The following CNTLN variants were observed in gnomAD, a reference collection of about 807,000 sequenced individuals.
The protein encoded by CNTLN is centlein.
A neutral mutation model predicts 180.0 loss-of-function variants in CNTLN; 212 were observed. The observed-to-expected ratio is 1.18, with a 90% confidence interval of 1.05 to 1.32. The LOEUF is 1.32. CNTLN is among the 40% of genes most tolerant of loss of function. The pLI, the probability that CNTLN is intolerant of heterozygous loss-of-function variation, is 0.00. For missense variants in CNTLN, 2,095 were observed against 1,610.9 expected (o/e 1.30, Z -5.14); for synonymous variants, 722 against 563.1 (o/e 1.28, Z -3.99).
At chr9:17,362,073 T>C (rs1314190025) in intron 12 of CNTLN, among the ~76,000 whole-genome samples, 3 of 152,194 alleles carry the variant, frequency 2.0e-5, no homozygotes, top group African/African-American at 7.2e-5. Context: ...CTGATGTCTG[T>C]AAATATTTAT....
intron 3 of CNTLN, among the ~76,000 whole-genome samples, chr9:17,226,794 G>A (rs567417579): frequency 8.6e-5 from 13 of 151,864 alleles, no homozygotes; most frequent in Non-Finnish European, 1.9e-4. Flanking sequence ...AGGATGCATA[G>A]CAACATCTGC....
chr9:17,473,469 A>G (rs1012529257), intron 23 of CNTLN, among the ~76,000 whole-genome samples: 4 of 151,880 alleles, frequency 2.6e-5, no homozygotes, highest in African/African-American at 4.8e-5. Flanking sequence ...CTCACTTTGC[A>G]CACTGGATTT....
intron 18 of CNTLN, among the ~76,000 whole-genome samples, chr9:17,416,640 TGTAA>T (rs1828277575): frequency 6.6e-6 from 1 of 152,180 alleles, no homozygotes; most frequent in African/African-American, 2.4e-5. Flanking sequence ...AAGATTTTAA[TGTAA>T]GTATCTATTT....
downstream of CNTLN, among the ~76,000 whole-genome samples, chr9:17,506,532 A>G (rs556762576): frequency 1.3e-5 from 2 of 152,292 alleles, no homozygotes; most frequent in South Asian, 2.1e-4. Flanking sequence ...GACAGCGGAA[A>G]GAGTGAATTT....
intron 2 of CNTLN, among the ~76,000 whole-genome samples, chr9:17,176,055 G>A (rs1820699446): frequency 1.3e-5 from 2 of 151,868 alleles, no homozygotes; most frequent in Admixed American, 1.3e-4. Flanking sequence ...AGCAAGTGGA[G>A]TTTTATTTCT....
At chr9:17,288,745 C>T (rs1376573584) in intron 6 of CNTLN, among the ~76,000 whole-genome samples, 2 of 137,692 alleles carry the variant, frequency 1.5e-5, no homozygotes, top group African/African-American at 6.1e-5. Flanking sequence ...TGAATTGATC[C>T]CTTTACCATT....
At chr9:17,498,907 C>G (rs1044242719) in intron 25 of CNTLN, among the ~76,000 whole-genome samples, 1 of 152,164 alleles carries the variant, frequency 6.6e-6, no homozygotes, top group Non-Finnish European at 1.5e-5. Flanking sequence ...AAAAGGGCAG[C>G]TATGCCTGTC....
chr9:17,463,798 C>A (rs541659944), intron 20 of CNTLN, among the ~76,000 whole-genome samples: 1 of 151,514 alleles, frequency 6.6e-6, no homozygotes, highest in Admixed American at 6.6e-5. Flanking sequence ...ACCTACTAGG[C>A]CTATGCCTAA....
chr9:17,480,517 T>G (rs1323767000), intron 23 of CNTLN, among the ~76,000 whole-genome samples: 1 of 152,202 alleles, frequency 6.6e-6, no homozygotes, highest in African/African-American at 2.4e-5. Flanking sequence ...ATATTTAGTA[T>G]GTACTATACT....
chr9:17,233,635 A>G (rs559757494), intron 3 of CNTLN, among the ~76,000 whole-genome samples: 6 of 152,234 alleles, frequency 3.9e-5, no homozygotes, highest in Middle Eastern at 3.4e-3. Flanking sequence ...TTTACCTCAA[A>G]TGGGAAACAG....
intron 2 of CNTLN, among the ~76,000 whole-genome samples, chr9:17,214,425 C>T (rs1343701994): frequency 6.6e-6 from 1 of 152,230 alleles, no homozygotes; most frequent in African/African-American, 2.4e-5. Context: ...AGGAGATCTG[C>T]TGTTATTCTG....
At chr9:17,270,583 C>T (rs111426365) in intron 5 of CNTLN, among the ~76,000 whole-genome samples, 1,614 of 152,130 alleles carry the variant, frequency 0.011, 21 homozygotes, top group African/African-American at 0.037. Context: ...CCCTTTCTAA[C>T]GTGGATAACA....
At chr9:17,369,761 A>T (rs1824146953) in intron 13 of CNTLN, among the ~76,000 whole-genome samples, 1 of 151,632 alleles carries the variant, frequency 6.6e-6, no homozygotes, top group Non-Finnish European at 1.5e-5. Context: ...CTGAGGTGGG[A>T]GGATCACCTA....
intron 8 of CNTLN, among the ~76,000 whole-genome samples, chr9:17,324,254 A>G (rs1364005112): frequency 1.3e-5 from 2 of 152,172 alleles, no homozygotes; most frequent in Non-Finnish European, 2.9e-5. Context: ...GTTTAATTCC[A>G]TGAATTTTAG....
chr9:17,244,831 A>T (rs530157467), intron 5 of CNTLN, among the ~76,000 whole-genome samples: 1 of 152,170 alleles, frequency 6.6e-6, no homozygotes, highest in South Asian at 2.1e-4. Context: ...TGAGGTTACC[A>T]TGAGGCTTGC....
At chr9:17,522,187 C>T in the CNTLN span, among the ~76,000 whole-genome samples, 3 of 152,298 alleles carry the variant, frequency 2.0e-5, no homozygotes, top group East Asian at 1.9e-4. Context: ...AATACATGGA[C>T]GTGGCTAGTA....
At chr9:17,155,581 C>G (rs1819220367) in intron 2 of CNTLN, among the ~76,000 whole-genome samples, 1 of 152,170 alleles carries the variant, frequency 6.6e-6, no homozygotes, top group Non-Finnish European at 1.5e-5. Context: ...ACTGCCTACT[C>G]AAGCCTCAGC....
chr9:17,408,192 G>C (rs893647679), intron 15 of CNTLN, among the ~76,000 whole-genome samples: 16 of 147,562 alleles, frequency 1.1e-4, no homozygotes, highest in Non-Finnish European at 2.2e-4. Context: ...TATACGTTAG[G>C]AACATTTGAA....
chr9:17,498,496 T>C (rs531025084), intron 25 of CNTLN, among the ~76,000 whole-genome samples: 1 of 152,308 alleles, frequency 6.6e-6, no homozygotes, highest in African/African-American at 2.4e-5. Context: ...GAAATCACTC[T>C]TTGCAGCAGG....
Sources: gnomAD v4.1 joint callset for allele counts (sites outside exome capture counted in the v4.1 genomes callset) on GRCh38, gnomAD v4.1.1 for gene constraint, MANE v1.5 for transcripts, NCBI Gene and HGNC (gene_info 2026-07-23, HGNC 2026-07-21) for gene names.